The following ABTB2 variants were observed in gnomAD, a reference collection of about 807,000 sequenced individuals.
The protein encoded by ABTB2 is ankyrin repeat and BTB domain containing 2.
Under a neutral mutation model 104.1 loss-of-function variants are expected in ABTB2, and 56 were observed. The ratio of observed to expected loss-of-function variants is 0.54; its 90% CI spans 0.43 to 0.67. ABTB2 has a LOEUF of 0.67. Among genes scored for constraint, ABTB2 ranks in the 30% least tolerant of loss-of-function variants. The pLI is 0.00. For missense variants in ABTB2, 1,279 were observed against 1,407.7 expected (o/e 0.91, Z 1.46); for synonymous variants, 606 against 608.2 (o/e 1.00, Z 0.05).
intron 3 of ABTB2, among the ~76,000 whole-genome samples, chr11:34,186,838 G>A (rs771609709): frequency 6.6e-6 from 1 of 152,228 alleles, no homozygotes; most frequent in Admixed American, 6.5e-5. Context: ...CAAGCCTGCT[G>A]AGAAAGAGGC....
chr11:34,196,602 G>C (rs1483353051), intron 3 of ABTB2, among the ~76,000 whole-genome samples: 1 of 152,162 alleles, frequency 6.6e-6, no homozygotes, highest in African/African-American at 2.4e-5. Flanking sequence ...GGCCCCACGT[G>C]CATCCCCTAC....
At chr11:34,211,451 G>A (rs1373528761) in intron 1 of ABTB2, among the ~76,000 whole-genome samples, 1 of 152,094 alleles carries the variant, frequency 6.6e-6, no homozygotes, top group Admixed American at 6.6e-5. Flanking sequence ...ACCCTTCACT[G>A]AATAGTATTC....
At chr11:34,334,510 A>T (rs907371005) in intron 1 of ABTB2, among the ~76,000 whole-genome samples, 4 of 152,218 alleles carry the variant, frequency 2.6e-5, no homozygotes, top group African/African-American at 9.7e-5. Context: ...TCAGGTGCAC[A>T]AATTGGATTT....
intron 3 of ABTB2, among the ~76,000 whole-genome samples, chr11:34,188,518 T>A (rs1031978748): frequency 6.6e-6 from 1 of 152,212 alleles, no homozygotes; most frequent in African/African-American, 2.4e-5. Context: ...GGCTAGTGGA[T>A]GTGCCAGCCT....
rs576993722 is a variant in ABTB2, at chr11:34,357,604, C to T, written c.-21G>A. The T allele has an allele frequency of 1.9e-5, 29 of 1,488,760 alleles. No homozygotes were observed. Among genetic ancestry groups the T allele is most frequent in the Middle Eastern group, 3.5e-4 (2 of 5,696 alleles). 92.2% of individuals were successfully genotyped at this position (1,488,760 alleles called of 1,614,324 possible). ...GCCATGGGGAGCCTGCCGAGGGCGGCGTCGCCGAGCGAGGGGCACTCACAA... is the reference window on the plus strand; with the variant it reads ...GCCATGGGGAGCCTGCCGAGGGCGGTGTCGCCGAGCGAGGGGCACTCACAA... On this transcript the variant is annotated 5_prime_UTR_variant, in exon 1 of 17. Transcript: ENST00000435224.
intron 1 of ABTB2, among the ~76,000 whole-genome samples, chr11:34,206,430 CT>C (rs1394708642): frequency 6.6e-6 from 1 of 152,104 alleles, no homozygotes; most frequent in African/African-American, 2.4e-5. Context: ...GTACTACTGA[CT>C]TCCATTTGAG....
chr11:34,311,802 A>G (rs1214526789), intron 1 of ABTB2, among the ~76,000 whole-genome samples: 1 of 152,196 alleles, frequency 6.6e-6, no homozygotes, highest in African/African-American at 2.4e-5. Flanking sequence ...GCAATCAACT[A>G]CTACTCTGCT....
At chr11:34,256,355 C>T (rs748127665) in intron 1 of ABTB2, among the ~76,000 whole-genome samples, 1 of 152,110 alleles carries the variant, frequency 6.6e-6, no homozygotes, top group Non-Finnish European at 1.5e-5. Context: ...GGAAAGGCTC[C>T]CTTTCGTCTT....
chr11:34,354,706 A>G (rs1023583754), intron 1 of ABTB2, among the ~76,000 whole-genome samples: 1 of 152,344 alleles, frequency 6.6e-6, no homozygotes, highest in Non-Finnish European at 1.5e-5. Context: ...AAAAGCTGGG[A>G]GAAGCTTCTC....
At chr11:34,203,921 C>T (rs1017952530) in intron 2 of ABTB2, among the ~76,000 whole-genome samples, 5 of 152,106 alleles carry the variant, frequency 3.3e-5, no homozygotes, top group Admixed American at 2.0e-4. Flanking sequence ...TCAGATTTCT[C>T]AAATCAAATG....
At chr11:34,331,686 A>T (rs1855132737) in intron 1 of ABTB2, among the ~76,000 whole-genome samples, 1 of 152,228 alleles carries the variant, frequency 6.6e-6, no homozygotes, top group Non-Finnish European at 1.5e-5. Flanking sequence ...TGATAAATGA[A>T]TCTTCCCATC....
At chr11:34,165,401 G>C in intron 7 of ABTB2, 45 bp from the exon 8 acceptor site, 1 of 1,528,646 alleles carries the variant, frequency 6.5e-7, no homozygotes, top group Non-Finnish European at 8.9e-7. Flanking sequence ...GCGTGGCAGG[G>C]AGCACCTGGG....
chr11:34,269,800 G>A (rs975438995), intron 1 of ABTB2, among the ~76,000 whole-genome samples: 1 of 152,216 alleles, frequency 6.6e-6, no homozygotes, highest in Admixed American at 6.5e-5. Flanking sequence ...CACTCAGAGA[G>A]GTTGTGTGTG....
At chr11:34,158,136 T>C (rs1456228888) in intron 14 of ABTB2, among the ~76,000 whole-genome samples, 2 of 152,152 alleles carry the variant, frequency 1.3e-5, no homozygotes. Context: ...TTTTAGAGGC[T>C]GGGCGCAGTG....
intron 1 of ABTB2, among the ~76,000 whole-genome samples, chr11:34,333,565 G>A (rs1268882139): frequency 6.6e-6 from 1 of 152,146 alleles, no homozygotes; most frequent in Admixed American, 6.6e-5. Context: ...AGACCAGCCT[G>A]GCCAACATGG....
intron 1 of ABTB2, among the ~76,000 whole-genome samples, chr11:34,292,672 T>C (rs569520212): frequency 2.6e-5 from 4 of 152,032 alleles, no homozygotes; most frequent in African/African-American, 4.8e-5. Flanking sequence ...CAGTTGTTGA[T>C]AGGAAGAAAA....
chr11:34,276,032 A>G (rs1205350804), intron 1 of ABTB2, among the ~76,000 whole-genome samples: 2 of 152,172 alleles, frequency 1.3e-5, no homozygotes, highest in African/African-American at 2.4e-5. Context: ...CCACCTACTC[A>G]TTGAGCTCTC....
intron 1 of ABTB2, among the ~76,000 whole-genome samples, chr11:34,264,702 G>A (rs953887335): frequency 1.3e-5 from 2 of 152,180 alleles, no homozygotes; most frequent in African/African-American, 2.4e-5. Flanking sequence ...GGCATGGACT[G>A]GCCACACTTC....
chr11:34,188,833 T>C (rs1440492096), intron 3 of ABTB2, among the ~76,000 whole-genome samples: 1 of 152,188 alleles, frequency 6.6e-6, no homozygotes, highest in Non-Finnish European at 1.5e-5. Flanking sequence ...ATGTCCTCTT[T>C]ATGTAAAGTG....
Sources: allele counts gnomAD v4.1 joint callset (sites outside exome capture counted in the v4.1 genomes callset), GRCh38; gene constraint gnomAD v4.1.1; transcripts MANE v1.5; gene names NCBI Gene and HGNC (gene_info 2026-07-23, HGNC 2026-07-21).